The following VIT variants were observed in gnomAD, a reference collection of about 807,000 sequenced individuals.
The protein encoded by VIT is vitrin.
VIT carries 99 observed loss-of-function variants against 78.0 expected under a neutral mutation model. The observed-to-expected ratio is 1.27, with a 90% CI of 1.08 to 1.50. The LOEUF (loss-of-function observed/expected upper bound fraction) is 1.50, where lower values mean the gene tolerates loss of function less well. Among genes scored for constraint, VIT ranks in the 40% most tolerant of loss-of-function variants. VIT has a pLI of 0.00. For missense variants in VIT, 1,126 were observed against 875.3 expected, an observed-to-expected ratio of 1.29 and a Z score of -3.61; for synonymous variants, 374 against 334.3, an observed-to-expected ratio of 1.12 and a Z score of -1.29.
chr2:36,805,456 TGA>T lies in VIT; in HGVS notation c.1182_1183del (p.Thr395GlnfsTer50). On this transcript the variant is annotated frameshift_variant, in exon 14 of 16. Coordinates refer to ENST00000379242, the MANE Select transcript of VIT (RefSeq NM_053276.4). LOFTEE classifies it high-confidence loss of function. ...CTTCCAGGTCGGGCCATCTCCTTTG[TGA>T]CCAAGAACTTCTTTTCCAAAGCCAA... 1 of 1,611,954 alleles carries T rather than the reference TGA, an allele frequency of 6.2e-7. No individual in the cohort carries two copies.
chr2:36,763,724 G>C (rs1420127562), intron 6 of VIT, among the ~76,000 whole-genome samples: 1 of 151,540 alleles, frequency 6.6e-6, no homozygotes, highest in Non-Finnish European at 1.5e-5. Context: ...GGAGTAACTA[G>C]GATTACAGGG....
At chr2:36,774,698 G>A in intron 8 of VIT, 1 of 985,386 alleles carries the variant, frequency 1.0e-6, no homozygotes, top group East Asian at 1.1e-4. Flanking sequence ...ACATGCTGTT[G>A]TCCTGGACAA....
chr2:36,795,381 T>A (rs12986582), intron 12 of VIT, among the ~76,000 whole-genome samples: 9 of 50,576 alleles, frequency 1.8e-4, no homozygotes, highest in Non-Finnish European at 2.1e-4. Context: ...TTTATTTTAT[T>A]TTATATTTTA....
chr2:36,732,551 A>C (rs1667273838), intron 3 of VIT, among the ~76,000 whole-genome samples: 1 of 152,096 alleles, frequency 6.6e-6, no homozygotes, highest in African/African-American at 2.4e-5. Flanking sequence ...TTTTCTATTC[A>C]ACACTGTCAG....
chr2:36,743,333 A>G, intron 4 of VIT, 77 bp downstream of exon 4: 1 of 1,389,834 alleles, frequency 7.2e-7, no homozygotes. Context: ...AGGTTGCCAT[A>G]TTTAGCAAGC....
At chr2:36,720,936 G>A (rs1335875499) in intron 2 of VIT, among the ~76,000 whole-genome samples, 1 of 152,052 alleles carries the variant, frequency 6.6e-6, no homozygotes, top group East Asian at 1.9e-4. Flanking sequence ...CTGGAACCCA[G>A]GAGGCAGAGC....
chr2:36,699,220 C>T (rs1191144995), intron 1 of VIT, among the ~76,000 whole-genome samples: 1 of 152,000 alleles, frequency 6.6e-6, no homozygotes, highest in African/African-American at 2.4e-5. Context: ...AGAGGTTACT[C>T]AATGTCTCCA....
chr2:36,712,849 T>C (rs1665891914), intron 1 of VIT, among the ~76,000 whole-genome samples: 1 of 152,180 alleles, frequency 6.6e-6, no homozygotes, highest in Non-Finnish European at 1.5e-5. Flanking sequence ...AATCAATCAA[T>C]TAAAGTGTAT....
chr2:36,743,212 C>T lies in VIT; in HGVS notation c.231C>T (p.Asp77=), dbSNP rs202130280. The change falls in exon 4 of 16, where the codon GAC becomes GAT. Residue 77 remains aspartate, a synonymous_variant. Transcript: ENST00000379242. ...CCAAATACCATGTTTATGGCACTGA[C>T]GTGTATGCATCCTACTCCAGTGTGT... The part of the protein sequence containing the change: ...QDPKYHVYGT[D]VYASYSSVCG... 484 of 1,614,036 alleles carry T rather than the reference C, an allele frequency of 3.0e-4. 4 individuals carry two copies. The highest frequency in any genetic ancestry group is 3.8e-4 in the South Asian group (35 of 91,062).
chr2:36,718,105 T>C (rs1326821339), intron 2 of VIT, among the ~76,000 whole-genome samples: 1 of 152,214 alleles, frequency 6.6e-6, no homozygotes, highest in Non-Finnish European at 1.5e-5. Flanking sequence ...AGGTACACCC[T>C]ACTCCAGTAT....
intron 14 of VIT, among the ~76,000 whole-genome samples, chr2:36,807,567 A>T (rs1446730723): frequency 6.6e-6 from 1 of 152,228 alleles, no homozygotes; most frequent in African/African-American, 2.4e-5. Flanking sequence ...GTTTGAAGCC[A>T]TCTCTTGTTC....
intron 14 of VIT, among the ~76,000 whole-genome samples, chr2:36,807,841 A>T (rs77965118): frequency 0.02 from 2,997 of 152,312 alleles, 113 homozygotes; most frequent in African/African-American, 0.069. Flanking sequence ...TTCCAATCTC[A>T]GGGACTCAGG....
At chr2:36,786,978 A>T in intron 11 of VIT, 151 bp from the exon 12 acceptor site, 1 of 929,712 alleles carries the variant, frequency 1.1e-6, no homozygotes, top group Non-Finnish European at 1.6e-6. Flanking sequence ...CCCCTGTGGG[A>T]TGTAAATAAA....
chr2:36,774,355 C>T (rs994843200), intron 8 of VIT, among the ~76,000 whole-genome samples: 12 of 152,162 alleles, frequency 7.9e-5, no homozygotes, highest in African/African-American at 2.9e-4. Flanking sequence ...AACTAGGAAT[C>T]CAGCAAATTC....
At chr2:36,774,417 C>A in intron 8 of VIT, 3 of 816,648 alleles carry the variant, frequency 3.7e-6, no homozygotes, top group Non-Finnish European at 4.4e-6. Context: ...GAAAATCTAG[C>A]AGGGTTTGAC....
chr2:36,791,624 T>A (rs988095448), intron 12 of VIT, among the ~76,000 whole-genome samples: 1 of 152,158 alleles, frequency 6.6e-6, no homozygotes, highest in Non-Finnish European at 1.5e-5. Flanking sequence ...GATGGAAGCA[T>A]AGTCAGAGAG....
intron 1 of VIT, among the ~76,000 whole-genome samples, chr2:36,705,900 G>A (rs759428): frequency 0.12 from 17,924 of 152,140 alleles, 1,200 homozygotes; most frequent in African/African-American, 0.18. Flanking sequence ...ATGGTCAGTA[G>A]TATCTCCACT....
At chr2:36,766,994 T>C (rs1457302040) in intron 6 of VIT, 100 bp from the exon 7 acceptor site, 24 of 1,317,048 alleles carry the variant, frequency 1.8e-5, no homozygotes, top group Non-Finnish European at 2.4e-5. Flanking sequence ...CACAGCTCTG[T>C]GCTCATAGCT....
chr2:36,716,323 A>T (rs751511190), intron 1 of VIT, 30 bp from the exon 2 acceptor site: 1 of 1,594,586 alleles, frequency 6.3e-7, no homozygotes, highest in East Asian at 2.2e-5. Context: ...CGGCTGAAAT[A>T]TGATGACGTT....
Sources: gnomAD v4.1 joint callset for allele counts (sites outside exome capture counted in the v4.1 genomes callset) on GRCh38, gnomAD v4.1.1 for gene constraint, MANE v1.5 for transcripts, NCBI Gene and HGNC (gene_info 2026-07-23, HGNC 2026-07-21) for gene names.